XRCC4: variants seen among roughly 807,000 people sequenced by gnomAD.
XRCC4 encodes DNA repair protein XRCC4.
A neutral mutation model predicts 39.1 loss-of-function variants in XRCC4; 28 were observed. That is an observed-to-expected ratio of 0.72 (90% CI 0.53 to 0.98). The LOEUF is 0.98. Among genes scored for constraint, XRCC4 ranks in the 50% least tolerant of loss-of-function variants. XRCC4 has a pLI of 0.00. For synonymous variants in XRCC4, 123 were observed against 126.4 expected, an observed-to-expected ratio of 0.97 and a Z score of 0.18; for missense variants, 350 against 376.4, an observed-to-expected ratio of 0.93 and a Z score of 0.58.
chr5:83,204,745 T>C (rs912468158), intron 5 of XRCC4, 70 bp from the exon 6 acceptor site: 5 of 1,069,932 alleles, frequency 4.7e-6, no homozygotes, highest in African/African-American at 1.6e-5. Context: ...CTATAATTGC[T>C]TACTGATAAA....
At chr5:83,285,708 G>T (rs1580466159) in intron 7 of XRCC4, among the ~76,000 whole-genome samples, 1 of 152,206 alleles carries the variant, frequency 6.6e-6, no homozygotes, top group Middle Eastern at 3.4e-3. Context: ...TCAAGGGGGG[G>T]TTGTTTGTTT....
intron 6 of XRCC4, among the ~76,000 whole-genome samples, chr5:83,244,896 G>A (rs1269876918): frequency 1.3e-5 from 2 of 152,152 alleles, no homozygotes; most frequent in East Asian, 3.9e-4. Context: ...GTTTGGCATA[G>A]AATTAAATTC....
At chr5:83,177,969 C>A (rs1222690726) in intron 3 of XRCC4, among the ~76,000 whole-genome samples, 4 of 152,068 alleles carry the variant, frequency 2.6e-5, no homozygotes, top group Admixed American at 2.6e-4. Flanking sequence ...ATCTAAATGG[C>A]ATGCTTTGGG....
intron 7 of XRCC4, among the ~76,000 whole-genome samples, chr5:83,295,680 A>G (rs449837): frequency 0.1 from 15,727 of 152,000 alleles, 866 homozygotes; most frequent in Non-Finnish European, 0.11. Context: ...CCATGTTTAG[A>G]TAGAAGCATA....
At chr5:83,169,592 C>T (rs1749633459) in intron 3 of XRCC4, among the ~76,000 whole-genome samples, 2 of 152,062 alleles carry the variant, frequency 1.3e-5, no homozygotes, top group African/African-American at 4.8e-5. Flanking sequence ...GTAAGCCAAC[C>T]CAGGCCATCC....
At chr5:83,331,496 T>TA (rs963845128) in intron 7 of XRCC4, among the ~76,000 whole-genome samples, 1 of 152,074 alleles carries the variant, frequency 6.6e-6, no homozygotes, top group Non-Finnish European at 1.5e-5. Flanking sequence ...CACCATTTTG[T>TA]AAAAGATGTT....
At chr5:83,349,745 T>C (rs1178828199) in intron 7 of XRCC4, among the ~76,000 whole-genome samples, 3 of 152,190 alleles carry the variant, frequency 2.0e-5, no homozygotes, top group Non-Finnish European at 4.4e-5. Context: ...GATCTTTCCA[T>C]GTCTGACTTT....
chr5:83,104,149 C>T (rs977928062), intron 1 of XRCC4, among the ~76,000 whole-genome samples: 1 of 152,168 alleles, frequency 6.6e-6, no homozygotes, highest in African/African-American at 2.4e-5. Flanking sequence ...GCCCCTGTCT[C>T]AGTGGATAGG....
intron 3 of XRCC4, among the ~76,000 whole-genome samples, chr5:83,124,320 T>C (rs112746987): frequency 5.3e-5 from 8 of 152,294 alleles, no homozygotes; most frequent in African/African-American, 1.9e-4. Context: ...CCGATCTGTT[T>C]GTCACTGTAG....
intron 6 of XRCC4, among the ~76,000 whole-genome samples, chr5:83,240,578 T>A (rs1190709758): frequency 6.6e-6 from 1 of 152,172 alleles, no homozygotes; most frequent in Non-Finnish European, 1.5e-5. Context: ...TCAAAACTAA[T>A]GATGTAAAAT....
chr5:83,326,703 T>C (rs189844580), intron 7 of XRCC4, among the ~76,000 whole-genome samples: 1 of 152,196 alleles, frequency 6.6e-6, no homozygotes, highest in East Asian at 1.9e-4. Context: ...TCTTGTATTC[T>C]TATAGCAACC....
intron 7 of XRCC4, among the ~76,000 whole-genome samples, chr5:83,341,582 C>G (rs1176736050): frequency 6.6e-6 from 1 of 152,076 alleles, no homozygotes; most frequent in Non-Finnish European, 1.5e-5. Flanking sequence ...TTGAGACACA[C>G]TGCACACAAC....
chr5:83,167,900 G>A (rs1749556746), intron 3 of XRCC4, among the ~76,000 whole-genome samples: 1 of 152,048 alleles, frequency 6.6e-6, no homozygotes, highest in African/African-American at 2.4e-5. Context: ...CAAGACAAAG[G>A]AGATTTATTA....
At position 83,118,247 on chromosome 5, in the gene XRCC4, T is replaced by TA. The variant is rs557409773; in HGVS notation, c.315+7046dup. ...CCAAATAGGCAAACCTGGGTTAATA[T>TA]AATGGCTTTATGATATTGGAGACAC... is the stretch of plus-strand genomic sequence containing the variant. On this transcript the variant is annotated intron_variant, in intron 3 of 7. Transcript: ENST00000396027. Among the ~76,000 whole-genome samples, 130 of 152,100 alleles carry TA rather than the reference T, an allele frequency of 8.5e-4. No homozygotes were observed. In the Middle Eastern group the frequency reaches 0.01, roughly 12 times the overall value.
At chr5:83,167,558 A>G (rs1027965224) in intron 3 of XRCC4, among the ~76,000 whole-genome samples, 1 of 152,208 alleles carries the variant, frequency 6.6e-6, no homozygotes, top group Non-Finnish European at 1.5e-5. Context: ...GTCTATACAT[A>G]AACTCTATGG....
intron 3 of XRCC4, among the ~76,000 whole-genome samples, chr5:83,176,919 G>T (rs747746628): frequency 7.2e-5 from 11 of 152,112 alleles, no homozygotes; most frequent in Non-Finnish European, 1.2e-4. Flanking sequence ...ACCACACCCA[G>T]CTGGGAAATG....
At chr5:83,217,038 T>G (rs1751886310) in intron 6 of XRCC4, among the ~76,000 whole-genome samples, 1 of 150,954 alleles carries the variant, frequency 6.6e-6, no homozygotes, top group African/African-American at 2.5e-5. Context: ...TTGAGATATT[T>G]CAAAACACAC....
At chr5:83,338,578 A>G (rs546370782) in intron 7 of XRCC4, among the ~76,000 whole-genome samples, 34 of 152,138 alleles carry the variant, frequency 2.2e-4, no homozygotes, top group Non-Finnish European at 4.3e-4. Context: ...GAGAATTATT[A>G]TTTTTTAAAC....
intron 6 of XRCC4, among the ~76,000 whole-genome samples, chr5:83,208,235 T>C (rs1458653972): frequency 6.6e-6 from 1 of 152,020 alleles, no homozygotes; most frequent in Non-Finnish European, 1.5e-5. Flanking sequence ...TAAATTTGAA[T>C]TGGATTACAC....
Sources: gnomAD v4.1 joint callset for allele counts (sites outside exome capture counted in the v4.1 genomes callset) on GRCh38, gnomAD v4.1.1 for gene constraint, MANE v1.5 for transcripts, NCBI Gene and HGNC (gene_info 2026-07-23, HGNC 2026-07-21) for gene names.